Variants in WDR75 observed in about 807,000 individuals in gnomAD.
WDR75 encodes WD repeat-containing protein 75.
In WDR75, 52 loss-of-function variants were observed where a neutral mutation model predicts 106.1. That is an observed-to-expected ratio of 0.49 (90% confidence interval 0.39 to 0.62). WDR75 has a LOEUF of 0.62. Ranked by LOEUF, WDR75 falls within the 20% of genes least tolerant of loss-of-function variation. The pLI, the probability that WDR75 is intolerant of heterozygous loss-of-function variation, is 0.00. For missense variants in WDR75, 905 were observed against 970.3 expected (o/e 0.93, Z 0.89); for synonymous variants, 333 against 335.5 (o/e 0.99, Z 0.08).
At chr2:189,454,261 C>A (rs1686687333) in intron 4 of WDR75, among the ~76,000 whole-genome samples, 3 of 152,208 alleles carry the variant, frequency 2.0e-5, no homozygotes, top group Admixed American at 1.3e-4. Context: ...AGGACTTTTG[C>A]TTTTACTCTG....
At position 189,474,645 on chromosome 2, in the gene WDR75, G is replaced by A. The variant is rs914724137; in HGVS notation, c.2197-72G>A. The A allele has an allele frequency of 3.1e-6, 4 of 1,303,930 alleles. No homozygotes were observed. The African/African-American group carries it at 4.4e-5, about 14-fold the overall frequency. The allele number at this position is 1,303,930 out of a possible 1,614,324, so 80.8% of individuals were successfully genotyped here. A position where few individuals can be genotyped will look rare whatever the true frequency, so the allele number is the denominator to read the frequency against. On this transcript the variant is annotated intron_variant, in intron 19 of 20. Coordinates refer to ENST00000314761, the MANE Select transcript of WDR75 (RefSeq NM_032168.3). Reference sequence around the variant, plus strand: ...ATTTACAATAAAAGGGACTCCGTGAGGACACTGTAGGAACAGACTGCGGTG... The same window carrying A: ...ATTTACAATAAAAGGGACTCCGTGAAGACACTGTAGGAACAGACTGCGGTG...
chr2:189,475,391 G>C lies in WDR75; in HGVS notation c.2467G>C (p.Asp823His), dbSNP rs1241603884. ...AGAACTGAGAAAATTTAGGAAAATAGACTACAGCTGGATAGCTGCCCTTTA... is the reference window on the plus strand; with the variant it reads ...AGAACTGAGAAAATTTAGGAAAATACACTACAGCTGGATAGCTGCCCTTTA... ...EKELRKFRKIDYSWIAAL is the reference protein window; with the variant it reads ...EKELRKFRKIHYSWIAAL The change falls in exon 21 of 21, where the codon GAC becomes CAC. Residue 823 changes from aspartate (D) to histidine (H), a missense_variant. Asp to His is a moderately conservative substitution (Grantham distance 81, BLOSUM62 -1). Transcript: ENST00000314761. 3 of 1,610,688 alleles carry C rather than the reference G, an allele frequency of 1.9e-6. No homozygotes were observed. Among genetic ancestry groups the C allele is most frequent in the Non-Finnish European group, 2.5e-6 (3 of 1,178,614 alleles).
chr2:189,468,620 A>G, intron 15 of WDR75, 51 bp downstream of exon 15: 1 of 1,584,024 alleles, frequency 6.3e-7, no homozygotes, highest in Non-Finnish European at 8.7e-7. Context: ...TAAGGAGTTG[A>G]CATTAAACTT....
At chr2:189,465,504 C>T (rs1301595157) in intron 12 of WDR75, among the ~76,000 whole-genome samples, 3 of 152,032 alleles carry the variant, frequency 2.0e-5, no homozygotes, top group East Asian at 1.9e-4. Context: ...GGCATAATAC[C>T]GAATTCTAGG....
At chr2:189,472,369 G>C (rs1381184259) in intron 18 of WDR75, among the ~76,000 whole-genome samples, 4 of 152,148 alleles carry the variant, frequency 2.6e-5, no homozygotes, top group African/African-American at 9.7e-5. Context: ...CCCTTGGAGA[G>C]TTTTGAGTAG....
chr2:189,447,868 T>A (rs1325296259), intron 1 of WDR75, among the ~76,000 whole-genome samples: 2 of 152,160 alleles, frequency 1.3e-5, no homozygotes, highest in African/African-American at 4.8e-5. Context: ...TGTGATATGG[T>A]TTGGCTGTGT....
Position 189,457,391 on chromosome 2 carries a change from AT to A in WDR75, c.569+16del. On this transcript the variant is annotated intron_variant, in intron 6 of 20. Transcript: ENST00000314761. ...AGAAAACAACATCAAGGTAAGAATT[AT>A]TTTTTATTAGCTTTATTTTATTTGC... 6.6e-7 allele frequency: 1 copy of A among 1,512,938 alleles called. No individual in the cohort carries two copies. The highest frequency in any genetic ancestry group is 9.1e-7 in the Non-Finnish European group (1 of 1,094,320). 93.7% of individuals were successfully genotyped at this position (1,512,938 alleles called of 1,614,324 possible). A position where few individuals can be genotyped will look rare whatever the true frequency, so the allele number is the denominator to read the frequency against.
intron 1 of WDR75, 41 bp downstream of exon 1, chr2:189,441,619 G>T (rs756324900): frequency 1.3e-6 from 2 of 1,544,030 alleles, no homozygotes; most frequent in South Asian, 2.4e-5. Context: ...GGGGCGGGGC[G>T]TGAGTTTCTC....
chr2:189,473,898 G>C (rs1259804558), intron 18 of WDR75, among the ~76,000 whole-genome samples: 1 of 152,148 alleles, frequency 6.6e-6, no homozygotes, highest in East Asian at 1.9e-4. Flanking sequence ...TTGTGAGTAT[G>C]TGCCCTTTGA....
At position 189,450,619 on chromosome 2, in the gene WDR75, T is replaced by C. The variant is rs1315488078; in HGVS notation, c.217-284T>C. The C allele has an allele frequency of 3.3e-6, 4 of 1,197,878 alleles. No homozygotes were observed. In the African/African-American group the frequency reaches 6.5e-5, roughly 19 times the overall value. 74.2% of individuals were successfully genotyped at this position (1,197,878 alleles called of 1,614,324 possible). On this transcript the variant is annotated intron_variant, in intron 2 of 20. Transcript: ENST00000314761. Reference sequence around the variant, plus strand: ...GGTGGCAGCCACTGCACCTTGGTGCTTTTCATATCTCATTCAAAACCTTAC... The same window carrying C: ...GGTGGCAGCCACTGCACCTTGGTGCCTTTCATATCTCATTCAAAACCTTAC...
chr2:189,463,004 C>T (rs1424193376), intron 9 of WDR75, among the ~76,000 whole-genome samples: 1 of 152,122 alleles, frequency 6.6e-6, no homozygotes, highest in Non-Finnish European at 1.5e-5. Flanking sequence ...CTGCAAGATT[C>T]TCTTTTGATA....
At chr2:189,448,302 G>GA in intron 1 of WDR75, 77 bp from the exon 2 acceptor site, 1 of 1,448,282 alleles carries the variant, frequency 6.9e-7, no homozygotes, top group Non-Finnish European at 9.2e-7. Context: ...AAACAATGAT[G>GA]AAAAATGTCT....
At chr2:189,452,117 G>A (rs1686634819) in intron 4 of WDR75, 3 of 418,564 alleles carry the variant, frequency 7.2e-6, no homozygotes, top group Non-Finnish European at 1.3e-5. Flanking sequence ...ATAGTAGATT[G>A]CAGACCTCAA....
intron 1 of WDR75, among the ~76,000 whole-genome samples, chr2:189,442,261 A>C (rs532785554): frequency 6.6e-6 from 1 of 152,078 alleles, no homozygotes; most frequent in Non-Finnish European, 1.5e-5. Flanking sequence ...ATATGTTAAA[A>C]CTACAGACAA....
rs1430341764 is a variant in WDR75 at position 189,468,589 on chromosome 2, A to G, written c.1723+20A>G. Reference sequence around the variant, plus strand: ...GTGCATGTAAGATATTTTTTACTCTAAAGTGATCTGGCAAAGCGCATAAGG... The same window carrying G: ...GTGCATGTAAGATATTTTTTACTCTGAAGTGATCTGGCAAAGCGCATAAGG... On this transcript the variant is annotated intron_variant, in intron 15 of 20. Coordinates refer to ENST00000314761, the MANE Select transcript of WDR75 (RefSeq NM_032168.3). 3.7e-6 allele frequency: 6 copies of G among 1,611,236 alleles called. No individual in the cohort carries two copies. The highest frequency in any genetic ancestry group is 5.1e-6 in the Non-Finnish European group (6 of 1,177,844).
Position 189,466,448 on chromosome 2 carries a change from A to G in WDR75, c.1313A>G (p.Asn438Ser). ...AGGTTTATTCTTAACACTAAAATTA[A>G]CATGCCACACGAAGACTGCATTACA... ...TQGFILNTKINMPHEDCITAL... is the reference protein window; with the variant it reads ...TQGFILNTKISMPHEDCITAL... Residue 438 changes from asparagine to serine, a missense_variant, in exon 13 of 21, where the codon AAC (asparagine) becomes AGC (serine). Coordinates refer to ENST00000314761, the MANE Select transcript of WDR75 (RefSeq NM_032168.3). The G allele has an allele frequency of 6.2e-7, 1 of 1,612,586 alleles. No homozygotes were observed. Among genetic ancestry groups the G allele is most frequent in the Non-Finnish European group, 8.5e-7 (1 of 1,179,184 alleles).
intron 11 of WDR75, 110 bp from the exon 12 acceptor site, chr2:189,464,969 C>T (rs1686970367): frequency 2.6e-6 from 2 of 760,914 alleles, no homozygotes; most frequent in South Asian, 3.1e-5. Flanking sequence ...TATTACTATA[C>T]AGTACAGAAG....
intron 8 of WDR75, among the ~76,000 whole-genome samples, chr2:189,461,866 G>A (rs13392978): frequency 0.065 from 9,861 of 152,152 alleles, 493 homozygotes; most frequent in African/African-American, 0.14. Flanking sequence ...ATGTTATCCA[G>A]GTACTCTTGA....
At chr2:189,454,555 T>C (rs920673922) in intron 4 of WDR75, among the ~76,000 whole-genome samples, 8 of 151,874 alleles carry the variant, frequency 5.3e-5, no homozygotes, top group African/African-American at 1.9e-4. Flanking sequence ...AGAGTCTTGC[T>C]CTGTCGCCCA....
Sources: allele counts gnomAD v4.1 joint callset (sites outside exome capture counted in the v4.1 genomes callset), GRCh38; gene constraint gnomAD v4.1.1; transcripts MANE v1.5; gene names NCBI Gene and HGNC (gene_info 2026-07-23, HGNC 2026-07-21).